Variants in PLAAT1 observed in about 807,000 individuals in gnomAD.
PLAAT1 encodes the protein H-REV107 protein-related protein.
PLAAT1 carries 13 observed loss-of-function variants against 16.4 expected under a neutral mutation model. The observed-to-expected ratio is 0.79, with a 90% CI of 0.52 to 1.26. The LOEUF is 1.26. Ranked by LOEUF, PLAAT1 falls within the 50% of genes most tolerant of loss-of-function variation. The pLI is 0.00. For missense variants in PLAAT1, 218 were observed against 207.8 expected (o/e 1.05, Z -0.30); for synonymous variants, 73 against 78.4 (o/e 0.93, Z 0.36).
At chr3:193,248,056 A>T (rs897377611) in intron 1 of PLAAT1, among the ~76,000 whole-genome samples, 1 of 152,176 alleles carries the variant, frequency 6.6e-6, no homozygotes, top group African/African-American at 2.4e-5. Flanking sequence ...CTCTCATCAG[A>T]TCTATTAATA....
chr3:193,266,443 C>T (rs1577311169), intron 3 of PLAAT1, among the ~76,000 whole-genome samples: 1 of 152,032 alleles, frequency 6.6e-6, no homozygotes, highest in South Asian at 2.1e-4. Context: ...ACATCTAGAC[C>T]CAAGACCCAT....
intron 2 of PLAAT1, among the ~76,000 whole-genome samples, chr3:193,259,296 A>G (rs1357539817): frequency 1.3e-5 from 2 of 152,194 alleles, no homozygotes; most frequent in Non-Finnish European, 2.9e-5. Flanking sequence ...TGAATGGGCC[A>G]TTCCCCTTCA....
chr3:193,277,827 T>C (rs1050521241), downstream of PLAAT1: 2 of 152,166 alleles, frequency 1.3e-5, no homozygotes, highest in Non-Finnish European at 2.9e-5. Context: ...TTTTGAATTA[T>C]TTGTTTGTTT....
In PLAAT1 at chr3:193,263,249, A is replaced by G. The variant is rs774527625; in HGVS notation, c.405+14A>G. The G allele has an allele frequency of 1.1e-5, 18 of 1,610,604 alleles. No individual in the cohort carries two copies. In the South Asian group the frequency reaches 1.2e-4, roughly 11 times the overall value. ...GTTTCAGAGCAGGTAAGTTTTCTTT[A>G]GGAGATATTCTTACATTGAGAAAAG... On this transcript the variant is annotated intron_variant, in intron 3 of 3. Transcript: ENST00000264735.
intron 1 of PLAAT1, among the ~76,000 whole-genome samples, chr3:193,253,338 A>G (rs1201243573): frequency 1.3e-5 from 2 of 152,180 alleles, no homozygotes; most frequent in East Asian, 3.9e-4. Context: ...AAAATTTGTT[A>G]AATATATTAG....
intron 3 of PLAAT1, 91 bp from the exon 4 acceptor site, chr3:193,270,513 T>G: frequency 8.7e-7 from 1 of 1,143,526 alleles, no homozygotes; most frequent in Non-Finnish European, 1.2e-6. Context: ...AAAACAGGTG[T>G]TCAGTTTAGG....
chr3:193,259,364 A>C (rs1716502793), intron 2 of PLAAT1, among the ~76,000 whole-genome samples: 1 of 152,168 alleles, frequency 6.6e-6, no homozygotes, highest in Admixed American at 6.5e-5. Flanking sequence ...ATAGTACTGG[A>C]AGTTCTAGCC....
At chr3:193,253,199 G>A (rs1716257176) in intron 1 of PLAAT1, among the ~76,000 whole-genome samples, 1 of 151,982 alleles carries the variant, frequency 6.6e-6, no homozygotes, top group South Asian at 2.1e-4. Flanking sequence ...TTGCATATTA[G>A]CCTTCAGCTT....
intron 1 of PLAAT1, among the ~76,000 whole-genome samples, chr3:193,248,622 A>AT: frequency 6.6e-6 from 1 of 152,178 alleles, no homozygotes; most frequent in Non-Finnish European, 1.5e-5. Flanking sequence ...CTTACATAAA[A>AT]CGTCTTATAC....
intron 3 of PLAAT1, among the ~76,000 whole-genome samples, chr3:193,269,472 G>A (rs144646023): frequency 6.6e-6 from 1 of 152,288 alleles, no homozygotes; most frequent in Non-Finnish European, 1.5e-5. Flanking sequence ...CCTGGCCCTT[G>A]TGCCTGTTCC....
At chr3:193,267,405 T>A (rs1401876634) in intron 3 of PLAAT1, among the ~76,000 whole-genome samples, 4 of 150,556 alleles carry the variant, frequency 2.7e-5, no homozygotes, top group Non-Finnish European at 5.9e-5. Context: ...TTTTTTTTTT[T>A]ACCATCTCCA....
downstream of PLAAT1, among the ~76,000 whole-genome samples, chr3:193,279,996 AAAAAAAAG>A: frequency 6.7e-6 from 1 of 150,346 alleles, no homozygotes; most frequent in Non-Finnish European, 1.5e-5. Context: ...AAAAAAAAAA[AAAAAAAAG>A]CCCTGTGTAC....
At chr3:193,267,349 C>G (rs1716816073) in intron 3 of PLAAT1, among the ~76,000 whole-genome samples, 1 of 152,066 alleles carries the variant, frequency 6.6e-6, no homozygotes, top group African/African-American at 2.4e-5. Flanking sequence ...CTCCTGTGCT[C>G]CACCTATTCA....
intron 3 of PLAAT1, among the ~76,000 whole-genome samples, chr3:193,267,635 G>A (rs1296137838): frequency 1.3e-5 from 2 of 152,050 alleles, no homozygotes; most frequent in African/African-American, 2.4e-5. Flanking sequence ...TGGTTGCTTC[G>A]AAGTTTTGGC....
At chr3:193,245,618 A>G (rs777048328) in intron 1 of PLAAT1, among the ~76,000 whole-genome samples, 16 of 152,150 alleles carry the variant, frequency 1.1e-4, no homozygotes, top group Non-Finnish European at 1.9e-4. Flanking sequence ...CTTCCATACT[A>G]TTTTCCAAAA....
At position 193,241,285 on chromosome 3, in the gene PLAAT1, G is replaced by T; in HGVS notation, c.-249G>T. 1 of 1,230,482 alleles carries T rather than the reference G, an allele frequency of 8.1e-7. No homozygotes were observed. The highest frequency in any genetic ancestry group is 1.0e-6 in the Non-Finnish European group (1 of 987,126). The allele number at this position is 1,230,482 out of a possible 1,614,324, so 76.2% of individuals were successfully genotyped here. A position where few individuals can be genotyped will look rare whatever the true frequency, so the allele number is the denominator to read the frequency against. ...GAGCCCAGCGCGTCGGCCCCCCGGC[G>T]TGCGGGCGTCTCAGAGCCGCGGAGG... is the stretch of plus-strand genomic sequence containing the variant. On this transcript the variant is annotated 5_prime_UTR_variant, in exon 1 of 4. Transcript: ENST00000264735.
chr3:193,272,057 C>T (rs1178542191), downstream of PLAAT1, among the ~76,000 whole-genome samples: 4 of 152,228 alleles, frequency 2.6e-5, no homozygotes, highest in African/African-American at 7.2e-5. Flanking sequence ...GTGTCTCCTA[C>T]CAGGAACTAA....
At chr3:193,273,519 A>G (rs1717056278), downstream of PLAAT1, among the ~76,000 whole-genome samples, 1 of 152,244 alleles carries the variant, frequency 6.6e-6, no homozygotes, top group Non-Finnish European at 1.5e-5. Context: ...TAAAGATTTC[A>G]GAATTGTAAA....
chr3:193,244,730 A>G (rs1002377743), intron 1 of PLAAT1, among the ~76,000 whole-genome samples: 1 of 152,156 alleles, frequency 6.6e-6, no homozygotes, highest in Non-Finnish European at 1.5e-5. Flanking sequence ...CAGAGTCCCA[A>G]GGTGGTACAG....
Sources: gnomAD v4.1 joint callset for allele counts (sites outside exome capture counted in the v4.1 genomes callset) on GRCh38, gnomAD v4.1.1 for gene constraint, MANE v1.5 for transcripts, NCBI Gene and HGNC (gene_info 2026-07-23, HGNC 2026-07-21) for gene names.